The following STAT4 variants were observed in gnomAD, a reference collection of about 807,000 sequenced individuals.
The protein encoded by STAT4 is signal transducer and activator of transcription 4.
A neutral mutation model predicts 110.5 loss-of-function variants in STAT4; 42 were observed. The observed-to-expected ratio is 0.38, with a 90% CI of 0.30 to 0.49. STAT4 has a LOEUF of 0.49. STAT4 is among the 20% of genes least tolerant of loss of function. The probability of loss-of-function intolerance (pLI) is 0.95; values close to 1 mark genes in which losing one functional copy is unlikely to be tolerated. For synonymous variants in STAT4, 284 were observed against 302.2 expected (o/e 0.94, Z 0.63); for missense variants, 632 against 887.9 (o/e 0.71, Z 3.66).
rs1322965558 is a variant in STAT4 at position 191,053,324 on chromosome 2, A to T, written c.1251+1166T>A. ...TGAGCACGGGCTGTTGAGCATGACT[A>T]TCCTGCTCTCTTAGAGGAAAAAAAT... On this transcript the variant is annotated intron_variant, in intron 14 of 23. Coordinates refer to ENST00000392320, the MANE Select transcript of STAT4 (RefSeq NM_003151.4). This position sits in a 1 kb window ranked among gnomAD's most constrained non-coding sequence, Gnocchi z 4.5. 6.6e-6 allele frequency among the ~76,000 whole-genome samples: 1 copy of T among 152,170 alleles called. No homozygotes were observed. The highest frequency in any genetic ancestry group is 1.5e-5 in the Non-Finnish European group (1 of 68,026).
Position 191,030,391 on chromosome 2 carries a change from C to T in STAT4, c.2221-525G>A, listed in dbSNP as rs1041829263. On this transcript the variant is annotated intron_variant, in intron 23 of 23. Coordinates refer to ENST00000392320, the MANE Select transcript of STAT4 (RefSeq NM_003151.4). The surrounding 1 kb of genome is among the most constrained non-coding windows in gnomAD (Gnocchi z 4.4). ...GTGGATAAGAGCAAATAGCATGCAT[C>T]CCAAATAACATTATTGCATTAAAGA... Among the ~76,000 whole-genome samples the T allele has an allele frequency of 2.0e-5, 3 of 152,068 alleles. No homozygotes were observed. Among genetic ancestry groups the T allele is most frequent in the African/African-American group, 7.2e-5 (3 of 41,384 alleles).
chr2:191,114,717 A>T (rs899686156), intron 3 of STAT4, among the ~76,000 whole-genome samples: 2 of 152,174 alleles, frequency 1.3e-5, no homozygotes, highest in African/African-American at 2.4e-5. Flanking sequence ...CACTTGCCAT[A>T]GGGCTACTGC....
intron 13 of STAT4, 53 bp downstream of exon 13, chr2:191,057,965 G>C: frequency 7.1e-7 from 1 of 1,409,364 alleles, no homozygotes; most frequent in South Asian, 1.2e-5. Context: ...TATTAGTAAA[G>C]ATGTCTGATT....
chr2:191,134,304 CG>C (rs373526018), intron 3 of STAT4, among the ~76,000 whole-genome samples: 1 of 152,184 alleles, frequency 6.6e-6, no homozygotes. Context: ...ACTGCCTGCC[CG>C]GGGGTCCAAG....
chr2:191,031,431 T>C lies in STAT4; in HGVS notation c.2111+19A>G, dbSNP rs746833868. 2 of 1,606,306 alleles carry C rather than the reference T, an allele frequency of 1.2e-6. No homozygotes were observed. The highest frequency in any genetic ancestry group is 1.7e-6 in the Non-Finnish European group (2 of 1,176,672). ...AAGCTTTTTATAAAAATATTTCACA[T>C]GTGACTAACATTACTCACATTGTTG... On this transcript the variant is annotated intron_variant, in intron 22 of 23. Transcript: ENST00000392320. The surrounding 1 kb of genome is among the most constrained non-coding windows in gnomAD (Gnocchi z 4.8).
Position 191,086,893 on chromosome 2 carries a change from A to C in STAT4, c.274-10568T>G, listed in dbSNP as rs1390929977. On this transcript the variant is annotated intron_variant, in intron 3 of 23. Transcript: ENST00000392320. The surrounding 1 kb of genome is among the most constrained non-coding windows in gnomAD (Gnocchi z 5.5). ...TTTGTATCTGCCTGCTCATGTTTGG[A>C]CTTCTCAGAAAGTTCACTTGAACAT... is the stretch of plus-strand genomic sequence containing the variant. Among the ~76,000 whole-genome samples, 1 of 152,130 alleles carries C rather than the reference A, an allele frequency of 6.6e-6. No homozygotes were observed. Among genetic ancestry groups the C allele is most frequent in the Non-Finnish European group, 1.5e-5 (1 of 68,028 alleles).
chr2:191,056,084 C>T (rs552233954), intron 13 of STAT4, among the ~76,000 whole-genome samples: 1 of 152,274 alleles, frequency 6.6e-6, no homozygotes, highest in East Asian at 1.9e-4. Context: ...AAAAACCAAA[C>T]ATTTTATCTT....
chr2:191,123,865 T>C (rs1698804563), intron 3 of STAT4, among the ~76,000 whole-genome samples: 1 of 152,180 alleles, frequency 6.6e-6, no homozygotes, highest in Non-Finnish European at 1.5e-5. Context: ...AAATTCAAAA[T>C]TTGAAGTATG....
chr2:191,031,919 C>T lies in STAT4; in HGVS notation c.2045-403G>A, dbSNP rs1003613690. The stretch of plus-strand genomic sequence containing the variant: ...CCAATCAGAATCTTATGATTGCAAA[C>T]GTTCTTGAAGTACAGATGTCAGTGT... On this transcript the variant is annotated intron_variant, in intron 21 of 23. Transcript: ENST00000392320. The surrounding 1 kb of genome is among the most constrained non-coding windows in gnomAD (Gnocchi z 4.8). 8.5e-5 allele frequency among the ~76,000 whole-genome samples: 13 copies of T among 152,248 alleles called. No homozygotes were observed. The highest frequency in any genetic ancestry group is 3.9e-4 in the East Asian group (2 of 5,178).
chr2:191,076,356 T>C (rs1400823513), intron 3 of STAT4, 31 bp from the exon 4 acceptor site: 5 of 1,510,080 alleles, frequency 3.3e-6, no homozygotes, highest in Non-Finnish European at 4.6e-6. Flanking sequence ...CAAAAATAAC[T>C]AACGTAAAGC....
Position 191,058,036 on chromosome 2 carries a change from T to G in STAT4, c.1188A>C (p.Ser396=). The G allele has an allele frequency of 6.2e-7, 1 of 1,614,000 alleles. No individual in the cohort carries two copies. ...AACTTACCAAATGTCGAAATTCTAC[T>G]GAGAGACTCCCATTGGAAGATTCTT... The part of the protein sequence containing the change: ...SIEESSNGSL[S]VEFRHLQPKE... The change falls in exon 13 of 24, where the codon TCA becomes TCC. Residue 396 remains serine, a synonymous_variant. Coordinates refer to ENST00000392320, the MANE Select transcript of STAT4 (RefSeq NM_003151.4). This position sits in a 1 kb window ranked among gnomAD's most constrained non-coding sequence, Gnocchi z 4.3.
At chr2:191,111,973 G>A (rs985452323) in intron 3 of STAT4, among the ~76,000 whole-genome samples, 5 of 152,180 alleles carry the variant, frequency 3.3e-5, no homozygotes, top group African/African-American at 1.2e-4. Flanking sequence ...GGGGCTGGCA[G>A]GCAGAGCACG....
chr2:191,034,232 C>G (rs1026241583), intron 18 of STAT4, among the ~76,000 whole-genome samples: 2 of 152,048 alleles, frequency 1.3e-5, no homozygotes, highest in Non-Finnish European at 2.9e-5. Context: ...ACCATCCTGA[C>G]TAACACGGTG....
At chr2:191,069,216 T>A (rs534488390) in intron 6 of STAT4, among the ~76,000 whole-genome samples, 5 of 152,218 alleles carry the variant, frequency 3.3e-5, no homozygotes, top group African/African-American at 9.6e-5. Context: ...AGATTTTTAT[T>A]TTTTTAATGC....
Position 191,150,495 on chromosome 2 carries a change from G to A in STAT4, c.-2+452C>T, listed in dbSNP as rs1250116776. Among the ~76,000 whole-genome samples the A allele has an allele frequency of 6.6e-6, 1 of 152,200 alleles. No homozygotes were observed. Among genetic ancestry groups the A allele is most frequent in the East Asian group, 1.9e-4 (1 of 5,202 alleles). Reference sequence around the variant, plus strand: ...GCTCTGTGGCCTGTAGCTTGCAAAAGGAGATGACCTGCCCTAAAATGTCAC... The same window carrying A: ...GCTCTGTGGCCTGTAGCTTGCAAAAAGAGATGACCTGCCCTAAAATGTCAC... On this transcript the variant is annotated intron_variant, in intron 1 of 23. Coordinates refer to ENST00000392320, the MANE Select transcript of STAT4 (RefSeq NM_003151.4). The surrounding 1 kb of genome is among the most constrained non-coding windows in gnomAD (Gnocchi z 6.4).
intron 5 of STAT4, among the ~76,000 whole-genome samples, chr2:191,071,104 C>T (rs544056002): frequency 6.6e-6 from 1 of 152,286 alleles, no homozygotes; most frequent in East Asian, 1.9e-4. Context: ...GTAGTAATAA[C>T]AGCTACCAAT....
chr2:191,111,596 T>C (rs1240574701), intron 3 of STAT4, among the ~76,000 whole-genome samples: 4 of 152,356 alleles, frequency 2.6e-5, no homozygotes, highest in South Asian at 2.1e-4. Flanking sequence ...CTCATGCCTG[T>C]AATCCCAACA....
intron 3 of STAT4, 100 bp from the exon 4 acceptor site, chr2:191,076,425 T>A: frequency 1.2e-6 from 1 of 830,760 alleles, no homozygotes; most frequent in Non-Finnish European, 1.9e-6. Context: ...AATCTCCTAT[T>A]AAATATGTGA....
At position 191,076,223 on chromosome 2, in the gene STAT4, T is replaced by C; in HGVS notation, c.372+4A>G. 1 of 1,611,428 alleles carries C rather than the reference T, an allele frequency of 6.2e-7. No homozygotes were observed. Among genetic ancestry groups the C allele is most frequent in the Non-Finnish European group, 8.5e-7 (1 of 1,178,022 alleles). On this transcript the variant is annotated splice_donor_region_variant and intron_variant, in intron 4 of 23. Coordinates refer to ENST00000392320, the MANE Select transcript of STAT4 (RefSeq NM_003151.4). ...AACAAGATCACAAGGTCAGAAAATATTACCTGGACAGGCATGTTGGCTGCA... is the reference window on the plus strand; with the variant it reads ...AACAAGATCACAAGGTCAGAAAATACTACCTGGACAGGCATGTTGGCTGCA...
Sources: allele counts gnomAD v4.1 joint callset (sites outside exome capture counted in the v4.1 genomes callset), GRCh38; gene constraint gnomAD v4.1.1; non-coding constraint Gnocchi (gnomAD v3.1); transcripts MANE v1.5; gene names NCBI Gene and HGNC (gene_info 2026-07-23, HGNC 2026-07-21).